DSCAML1: variants seen among roughly 807,000 people sequenced by gnomAD.
DSCAML1 encodes the protein cell adhesion molecule DSCAML1.
A neutral mutation model predicts 200.5 loss-of-function variants in DSCAML1; 38 were observed. That is an observed-to-expected ratio of 0.19 (90% CI 0.15 to 0.25). DSCAML1 has a LOEUF of 0.25. Ranked by LOEUF, DSCAML1 falls within the 10% of genes least tolerant of loss-of-function variation. The probability of loss-of-function intolerance (pLI) is 1.00; values close to 1 mark genes in which losing one functional copy is unlikely to be tolerated. For synonymous variants in DSCAML1, 1,215 were observed against 1,165.0 expected (o/e 1.04, Z -0.87); for missense variants, 2,223 against 2,858.8 (o/e 0.78, Z 5.07).
In DSCAML1 at chr11:117,431,047, A is replaced by G; in HGVS notation, c.5375-14T>C. 6.2e-7 allele frequency: 1 copy of G among 1,602,064 alleles called. No homozygotes were observed. The highest frequency in any genetic ancestry group is 8.5e-7 in the Non-Finnish European group (1 of 1,173,604). On this transcript the variant is annotated splice_polypyrimidine_tract_variant and intron_variant, in intron 31 of 32. Coordinates refer to ENST00000651296, the MANE Select transcript of DSCAML1 (RefSeq NM_020693.4). Reference sequence around the variant, plus strand: ...TCCTTCCTTTGTCTGGGGAGTTAAGAGGAAAGGGGTGGGTTACGGGGAGGA... The same window carrying G: ...TCCTTCCTTTGTCTGGGGAGTTAAGGGGAAAGGGGTGGGTTACGGGGAGGA...
chr11:117,720,958 C>T (rs371641637), intron 3 of DSCAML1, among the ~76,000 whole-genome samples: 6 of 152,328 alleles, frequency 3.9e-5, no homozygotes, highest in Non-Finnish European at 5.9e-5. Flanking sequence ...CCTGAGGAAA[C>T]ATTTACTGGC....
intron 20 of DSCAML1, among the ~76,000 whole-genome samples, chr11:117,447,596 T>C (rs1171926291): frequency 1.3e-5 from 2 of 152,194 alleles, no homozygotes; most frequent in Non-Finnish European, 2.9e-5. Context: ...TTATAATCAG[T>C]GAAAAATGTA....
At chr11:117,439,196 G>A (rs921818701) in intron 23 of DSCAML1, 70 bp downstream of exon 23, 13 of 1,571,894 alleles carry the variant, frequency 8.3e-6, no homozygotes, top group South Asian at 1.2e-5. Context: ...TGACCCTCTC[G>A]CATGATGGAA....
intron 14 of DSCAML1, among the ~76,000 whole-genome samples, chr11:117,479,709 C>T (rs1003159699): frequency 1.1e-4 from 17 of 152,084 alleles, no homozygotes; most frequent in Non-Finnish European, 7.4e-5. Context: ...AGTGCAATGG[C>T]ACGATCTTGG....
At chr11:117,679,937 G>T (rs948107525) in intron 3 of DSCAML1, among the ~76,000 whole-genome samples, 1 of 152,158 alleles carries the variant, frequency 6.6e-6, no homozygotes, top group Non-Finnish European at 1.5e-5. Flanking sequence ...CAAGACTCTT[G>T]GGTCATGTTC....
chr11:117,734,764 T>C (rs192725851), intron 3 of DSCAML1, among the ~76,000 whole-genome samples: 2 of 152,306 alleles, frequency 1.3e-5, no homozygotes, highest in Admixed American at 6.5e-5. Flanking sequence ...CATAAGTATT[T>C]GCAGAGTACA....
At position 117,716,255 on chromosome 11, in the gene DSCAML1, G is replaced by A. The variant is rs560734323; in HGVS notation, c.511+60536C>T. Among the ~76,000 whole-genome samples, 7 of 152,300 alleles carry A rather than the reference G, an allele frequency of 4.6e-5. No homozygotes were observed. In the South Asian group the frequency reaches 8.3e-4, roughly 18 times the overall value. ...TGAAAGGATCTGTCCCTGGATGGCC[G>A]GGGTTCTGGTCCCAGCCGTGTTGTT... On this transcript the variant is annotated intron_variant, in intron 3 of 32. Coordinates refer to ENST00000651296, the MANE Select transcript of DSCAML1 (RefSeq NM_020693.4).
intron 5 of DSCAML1, among the ~76,000 whole-genome samples, chr11:117,523,608 A>C (rs1206755711): frequency 6.6e-6 from 1 of 151,998 alleles, no homozygotes; most frequent in African/African-American, 2.4e-5. Context: ...AACTCTCAAG[A>C]CTCTCTTGAC....
At chr11:117,543,439 G>A (rs1292024576) in intron 3 of DSCAML1, among the ~76,000 whole-genome samples, 2 of 152,102 alleles carry the variant, frequency 1.3e-5, no homozygotes, top group African/African-American at 4.8e-5. Flanking sequence ...GCTGGTGTGT[G>A]TACCTGCACT....
rs139297144 is a variant in DSCAML1, at chr11:117,681,363, G to A, written c.511+95428C>T. ...AATCTGCATTTTAACAAGCGCTCTG[G>A]GTGATTCTTACGTGCATTCATAAGC... On this transcript the variant is annotated intron_variant, in intron 3 of 32. Coordinates refer to ENST00000651296, the MANE Select transcript of DSCAML1 (RefSeq NM_020693.4). 5.1e-4 allele frequency among the ~76,000 whole-genome samples: 78 copies of A among 152,314 alleles called. 1 individual carries two copies. The highest frequency in any genetic ancestry group is 1.8e-3 in the African/African-American group (76 of 41,562).
intron 11 of DSCAML1, among the ~76,000 whole-genome samples, chr11:117,502,138 G>A (rs576782490): frequency 3.9e-5 from 6 of 152,276 alleles, no homozygotes; most frequent in South Asian, 4.1e-4. Flanking sequence ...GTACAGGCCC[G>A]CCAGGGGAAG....
In DSCAML1 at chr11:117,505,415, G is replaced by A. The variant is rs781508658; in HGVS notation, c.2062+39C>T. On this transcript the variant is annotated intron_variant, in intron 9 of 32. Transcript: ENST00000651296. This position sits in a 1 kb window ranked among gnomAD's most constrained non-coding sequence, Gnocchi z 6.7. Reference sequence around the variant, plus strand: ...GACTGCAGTAGCAGCAGGCAGAATGGGCTCCTCCCTCCCCTGAGGCTGGCC... The same window carrying A: ...GACTGCAGTAGCAGCAGGCAGAATGAGCTCCTCCCTCCCCTGAGGCTGGCC... 6.3e-7 allele frequency: 1 copy of A among 1,592,014 alleles called. No homozygotes were observed. Among genetic ancestry groups the A allele is most frequent in the Non-Finnish European group, 8.5e-7 (1 of 1,171,970 alleles).
At chr11:117,549,191 C>T (rs944074674) in intron 3 of DSCAML1, among the ~76,000 whole-genome samples, 1 of 152,222 alleles carries the variant, frequency 6.6e-6, no homozygotes, top group Non-Finnish European at 1.5e-5. Context: ...CTCCTGCACA[C>T]AGAAGCCCCA....
intron 3 of DSCAML1, among the ~76,000 whole-genome samples, chr11:117,753,396 A>C (rs539701094): frequency 6.6e-6 from 1 of 152,274 alleles, no homozygotes; most frequent in East Asian, 1.9e-4. Flanking sequence ...CATGTCACTT[A>C]ATCTCAGAGC....
chr11:117,566,161 A>G (rs553703051), intron 3 of DSCAML1, among the ~76,000 whole-genome samples: 2 of 152,322 alleles, frequency 1.3e-5, no homozygotes, highest in South Asian at 4.2e-4. Flanking sequence ...TTAATAGATG[A>G]GGGGACGGAG....
rs143050500 is a variant in DSCAML1, at chr11:117,684,555, C to CAG, written c.511+92234_511+92235dup. Among the ~76,000 whole-genome samples the CAG allele has an allele frequency of 1.4e-3, 203 of 145,886 alleles. 2 individuals are homozygous for CAG. The highest frequency in any genetic ancestry group is 3.4e-3 in the East Asian group (17 of 4,940). On this transcript the variant is annotated intron_variant, in intron 3 of 32. Transcript: ENST00000651296. ...ACAGAGATGCAGAGTTAGCAAAGAG[C>CAG]AGAGAGAGAGAGAGAGAAGGAGATG...
At chr11:117,695,223 G>C (rs377183586) in intron 3 of DSCAML1, among the ~76,000 whole-genome samples, 1 of 152,016 alleles carries the variant, frequency 6.6e-6, no homozygotes, top group Non-Finnish European at 1.5e-5. Flanking sequence ...TTAGGGATGC[G>C]AGAAAGGCAA....
At chr11:117,490,829 G>A (rs1404331315) in intron 11 of DSCAML1, among the ~76,000 whole-genome samples, 1 of 152,228 alleles carries the variant, frequency 6.6e-6, no homozygotes, top group Admixed American at 6.5e-5. Flanking sequence ...AGATTCTGGG[G>A]AGAGTGAAGG....
rs566958182 is a variant in DSCAML1, at chr11:117,720,170, G to A, written c.511+56621C>T. Among the ~76,000 whole-genome samples the A allele has an allele frequency of 4.5e-4, 69 of 152,182 alleles. 1 individual carries two copies. Among genetic ancestry groups the A allele is most frequent in the African/African-American group, 6.5e-4 (27 of 41,516 alleles). ...AGGAGCACTCAGCCCAGCGCCCCCC[G>A]CCCGCACAGCCCACTCATAATGACA... On this transcript the variant is annotated intron_variant, in intron 3 of 32. Transcript: ENST00000651296.
Sources: allele counts gnomAD v4.1 joint callset (sites outside exome capture counted in the v4.1 genomes callset), GRCh38; gene constraint gnomAD v4.1.1; non-coding constraint Gnocchi (gnomAD v3.1); transcripts MANE v1.5; gene names NCBI Gene and HGNC (gene_info 2026-07-23, HGNC 2026-07-21).